RAB38: variants seen among roughly 807,000 people sequenced by gnomAD.
The protein encoded by RAB38 is ras-related protein Rab-38.
A neutral mutation model predicts 18.4 loss-of-function variants in RAB38; 15 were observed. That is an observed-to-expected ratio of 0.82 (90% confidence interval 0.55 to 1.26). The LOEUF (loss-of-function observed/expected upper bound fraction) is 1.26. Ranked by LOEUF, RAB38 falls within the 50% of genes most tolerant of loss-of-function variation. RAB38 has a pLI of 0.00. For synonymous variants in RAB38, 101 were observed against 104.4 expected (o/e 0.97, Z 0.20); for missense variants, 294 against 267.4 (o/e 1.10, Z -0.69).
At chr11:87,959,530 A>G in the RAB38 span, among the ~76,000 whole-genome samples, 2 of 152,250 alleles carry the variant, frequency 1.3e-5, no homozygotes, top group East Asian at 3.9e-4. Context: ...TGTTTCTATA[A>G]GTATCTATTT....
intron 2 of RAB38, among the ~76,000 whole-genome samples, chr11:88,121,784 G>A (rs770681162): frequency 4.6e-5 from 7 of 152,046 alleles, no homozygotes; most frequent in Non-Finnish European, 7.4e-5. Context: ...GGATGCTCTC[G>A]ATCTCCTGAC....
At chr11:87,809,945 A>G in the RAB38 span, among the ~76,000 whole-genome samples, 4 of 124,420 alleles carry the variant, frequency 3.2e-5, no homozygotes, top group African/African-American at 9.9e-5. Flanking sequence ...AAAGTAATAA[A>G]AAGCAGATAT....
chr11:88,046,383 C>G, the RAB38 span, among the ~76,000 whole-genome samples: 2 of 152,206 alleles, frequency 1.3e-5, no homozygotes, highest in African/African-American at 4.8e-5. Flanking sequence ...CCCATATACT[C>G]TCCTATCCTC....
At chr11:88,081,373 C>T in the RAB38 span, among the ~76,000 whole-genome samples, 4 of 151,936 alleles carry the variant, frequency 2.6e-5, no homozygotes, top group African/African-American at 7.2e-5. Flanking sequence ...TTTTCTACAG[C>T]TGACATAACA....
At chr11:87,940,063 A>T in the RAB38 span, among the ~76,000 whole-genome samples, 3 of 152,198 alleles carry the variant, frequency 2.0e-5, no homozygotes, top group Admixed American at 2.0e-4. Context: ...CAAACAAAAA[A>T]TCCAGTGATT....
chr11:88,146,746 A>C (rs886496989), intron 2 of RAB38, among the ~76,000 whole-genome samples: 5 of 152,240 alleles, frequency 3.3e-5, no homozygotes, highest in African/African-American at 1.2e-4. Context: ...GTTTTCGTTA[A>C]GACATTCAGA....
At chr11:87,952,812 A>G in the RAB38 span, among the ~76,000 whole-genome samples, 1 of 152,220 alleles carries the variant, frequency 6.6e-6, no homozygotes, top group Non-Finnish European at 1.5e-5. Flanking sequence ...TTATAACAAT[A>G]GCACATGCTT....
the RAB38 span, among the ~76,000 whole-genome samples, chr11:88,014,519 A>T: frequency 6.6e-6 from 1 of 152,164 alleles, no homozygotes; most frequent in Non-Finnish European, 1.5e-5. Context: ...CAGAAGTGGC[A>T]GAGTTGAGAT....
the RAB38 span, among the ~76,000 whole-genome samples, chr11:87,977,543 TTA>T: frequency 8.6e-6 from 1 of 116,762 alleles, no homozygotes; most frequent in African/African-American, 3.4e-5. Flanking sequence ...TATATCATTA[TTA>T]TATAATATAA....
At chr11:88,088,258 T>TA in the RAB38 span, among the ~76,000 whole-genome samples, 1 of 151,964 alleles carries the variant, frequency 6.6e-6, no homozygotes, top group Non-Finnish European at 1.5e-5. Flanking sequence ...CAGCATCAAT[T>TA]ATTTAACTAT....
the RAB38 span, among the ~76,000 whole-genome samples, chr11:87,967,805 G>A: frequency 2.6e-5 from 4 of 152,096 alleles, no homozygotes; most frequent in African/African-American, 7.2e-5. Context: ...CGAAAATAAT[G>A]TTGTCTTCAG....
At chr11:87,817,676 A>G in the RAB38 span, 1 of 152,140 alleles carries the variant, frequency 6.6e-6, no homozygotes, top group Non-Finnish European at 1.5e-5. Context: ...ATTAATTGTT[A>G]TTATTTTTAT....
intron 1 of RAB38, among the ~76,000 whole-genome samples, chr11:88,156,646 G>C (rs1943129592): frequency 6.6e-6 from 1 of 152,138 alleles, no homozygotes; most frequent in Admixed American, 6.5e-5. Context: ...AGGTTGCAGT[G>C]AGCCAAGATC....
intron 1 of RAB38, among the ~76,000 whole-genome samples, chr11:88,159,583 A>G (rs1943164837): frequency 6.6e-6 from 1 of 152,104 alleles, no homozygotes; most frequent in Non-Finnish European, 1.5e-5. Flanking sequence ...ACTTCAAACT[A>G]TAAGGCTACT....
At chr11:88,138,708 GAAAT>G (rs1223192383) in intron 2 of RAB38, among the ~76,000 whole-genome samples, 3 of 151,798 alleles carry the variant, frequency 2.0e-5, no homozygotes, top group Non-Finnish European at 4.4e-5. Context: ...AGAAGTAAAT[GAAAT>G]AAATAAAGCA....
chr11:88,156,464 G>A (rs887073077), intron 1 of RAB38, among the ~76,000 whole-genome samples: 9 of 152,166 alleles, frequency 5.9e-5, no homozygotes, highest in African/African-American at 2.2e-4. Flanking sequence ...AGCACTTTGG[G>A]AGGCCGAGGC....
intron 2 of RAB38, among the ~76,000 whole-genome samples, chr11:88,141,469 A>G (rs1942912070): frequency 6.6e-6 from 1 of 152,206 alleles, no homozygotes; most frequent in Admixed American, 6.5e-5. Context: ...CCTACGCCTT[A>G]TATTAGGATT....
chr11:87,941,348 A>G, the RAB38 span, among the ~76,000 whole-genome samples: 2 of 149,964 alleles, frequency 1.3e-5, no homozygotes, highest in Non-Finnish European at 3.0e-5. Flanking sequence ...TGCAACTTAC[A>G]CTCATCGCAG....
chr11:88,059,597 A>G, the RAB38 span, among the ~76,000 whole-genome samples: 2 of 152,200 alleles, frequency 1.3e-5, no homozygotes, highest in African/African-American at 4.8e-5. Flanking sequence ...GTCAAATGCT[A>G]TTGTTTCAGT....
Sources: allele counts gnomAD v4.1 joint callset (sites outside exome capture counted in the v4.1 genomes callset), GRCh38; gene constraint gnomAD v4.1.1; transcripts MANE v1.5; gene names NCBI Gene and HGNC (gene_info 2026-07-23, HGNC 2026-07-21).